The following FHIT variants were observed in gnomAD, a reference collection of about 807,000 sequenced individuals.
FHIT encodes the protein bis(5'-adenosyl)-triphosphatase.
In FHIT, 19 loss-of-function variants were observed where a neutral mutation model predicts 17.9. That is an observed-to-expected ratio of 1.06 (90% CI 0.74 to 1.56). FHIT has a LOEUF of 1.56. FHIT is among the 40% of genes most tolerant of loss of function. The pLI, the probability that FHIT is intolerant of heterozygous loss-of-function variation, is 0.00. For synonymous variants in FHIT, 81 were observed against 69.7 expected (o/e 1.16, Z -0.81); for missense variants, 248 against 189.2 (o/e 1.31, Z -1.82).
At chr3:60,358,757 G>C (rs1164822355) in intron 5 of FHIT, among the ~76,000 whole-genome samples, 1 of 152,174 alleles carries the variant, frequency 6.6e-6, no homozygotes, top group African/African-American at 2.4e-5. Flanking sequence ...CTTGGTTTTG[G>C]AGCCAGGTGA....
intron 5 of FHIT, among the ~76,000 whole-genome samples, chr3:60,497,116 G>A (rs1482992693): frequency 6.6e-6 from 1 of 151,888 alleles, no homozygotes; most frequent in African/African-American, 2.4e-5. Context: ...TCACAACTAG[G>A]AGGGGGCATG....
chr3:60,232,764 TG>T (rs1328984669), intron 5 of FHIT, among the ~76,000 whole-genome samples: 2 of 152,152 alleles, frequency 1.3e-5, no homozygotes, highest in African/African-American at 4.8e-5. Flanking sequence ...GAGACCTGAG[TG>T]ATCTCCTGGC....
At chr3:60,781,478 T>C (rs1176597820) in intron 4 of FHIT, among the ~76,000 whole-genome samples, 1 of 117,410 alleles carries the variant, frequency 8.5e-6, no homozygotes, top group Non-Finnish European at 1.8e-5. Context: ...AGGAGGTTAA[T>C]ATTTTAAAAA....
chr3:61,119,813 C>T (rs1238592171), intron 2 of FHIT, among the ~76,000 whole-genome samples: 1 of 152,178 alleles, frequency 6.6e-6, no homozygotes, highest in African/African-American at 2.4e-5. Context: ...ACCTTCAGTT[C>T]TCTGGTTTTC....
intron 3 of FHIT, among the ~76,000 whole-genome samples, chr3:60,873,431 G>C (rs2107081026): frequency 6.6e-6 from 1 of 152,312 alleles, no homozygotes; most frequent in South Asian, 2.1e-4. Flanking sequence ...AGGGAGCTGT[G>C]GATTTGCTGT....
At chr3:60,032,294 T>TA (rs1465543450) in intron 5 of FHIT, among the ~76,000 whole-genome samples, 46 of 151,436 alleles carry the variant, frequency 3.0e-4, no homozygotes, top group Admixed American at 2.1e-3. Flanking sequence ...ACCCCATATC[T>TA]AAAAAAAATT....
intron 5 of FHIT, among the ~76,000 whole-genome samples, chr3:60,501,627 A>G (rs2034529130): frequency 6.6e-6 from 1 of 152,218 alleles, no homozygotes; most frequent in African/African-American, 2.4e-5. Flanking sequence ...CCTTAGAGTG[A>G]GAAATCATGG....
intron 5 of FHIT, among the ~76,000 whole-genome samples, chr3:60,291,702 C>T (rs898114959): frequency 3.3e-5 from 5 of 152,142 alleles, no homozygotes; most frequent in Admixed American, 6.6e-5. Flanking sequence ...TTTCTTTCCA[C>T]TTCCTGTGTC....
At chr3:60,246,071 G>A (rs1705381543) in intron 5 of FHIT, among the ~76,000 whole-genome samples, 1 of 151,884 alleles carries the variant, frequency 6.6e-6, no homozygotes. Context: ...TTTTTATATT[G>A]TTTACCCTGG....
intron 5 of FHIT, among the ~76,000 whole-genome samples, chr3:60,248,669 A>G (rs1287122406): frequency 3.3e-5 from 5 of 152,160 alleles, no homozygotes; most frequent in Admixed American, 6.5e-5. Context: ...AACATTAACA[A>G]TTGTTCAACC....
At chr3:60,106,938 T>G (rs1170893756) in intron 5 of FHIT, among the ~76,000 whole-genome samples, 1 of 152,184 alleles carries the variant, frequency 6.6e-6, no homozygotes, top group Non-Finnish European at 1.5e-5. Flanking sequence ...AACTGCTCTT[T>G]AAGGAAACGA....
chr3:60,610,623 T>G (rs550049155), intron 4 of FHIT, among the ~76,000 whole-genome samples: 14 of 152,216 alleles, frequency 9.2e-5, no homozygotes, highest in Admixed American at 3.9e-4. Context: ...ACATGAAAAA[T>G]TATTAAGTAC....
At chr3:60,665,960 C>T (rs1553692359) in intron 4 of FHIT, among the ~76,000 whole-genome samples, 1 of 152,020 alleles carries the variant, frequency 6.6e-6, no homozygotes, top group East Asian at 1.9e-4. Flanking sequence ...ACTGTGGTTT[C>T]CCTGAGTACT....
intron 4 of FHIT, among the ~76,000 whole-genome samples, chr3:60,669,886 A>G (rs1015744724): frequency 2.0e-5 from 3 of 152,192 alleles, no homozygotes; most frequent in African/African-American, 7.2e-5. Context: ...AGGCAGGAAA[A>G]CAATGGATGC....
intron 4 of FHIT, among the ~76,000 whole-genome samples, chr3:60,554,383 A>G (rs73105645): frequency 9.1e-4 from 139 of 152,198 alleles, no homozygotes; most frequent in Non-Finnish European, 1.7e-3. Context: ...CCTTACTGTT[A>G]TGTATCTTTC....
intron 4 of FHIT, among the ~76,000 whole-genome samples, chr3:60,559,310 A>G (rs2036850531): frequency 6.6e-6 from 1 of 152,226 alleles, no homozygotes; most frequent in South Asian, 2.1e-4. Context: ...ACAAGAAAAC[A>G]TTAACCCATT....
intron 3 of FHIT, among the ~76,000 whole-genome samples, chr3:61,040,394 T>C (rs905217764): frequency 6.6e-6 from 1 of 152,150 alleles, no homozygotes; most frequent in Admixed American, 6.5e-5. Context: ...TTAGGAAAAA[T>C]GGATAAGGTG....
rs73836669 is a variant in FHIT at position 60,615,445 on chromosome 3, C to T, written c.-17-78466G>A. Among the ~76,000 whole-genome samples, 388 of 152,260 alleles carry T rather than the reference C, an allele frequency of 2.5e-3. 2 individuals are homozygous for T. The highest frequency in any genetic ancestry group is 9.1e-3 in the African/African-American group (378 of 41,544). On this transcript the variant is annotated intron_variant, in intron 4 of 9. Coordinates refer to ENST00000492590, the MANE Select transcript of FHIT (RefSeq NM_002012.4). ...GACTGAAGTTAATGACCAGTGCAAA[C>T]CACCAGAGTATTACAGTAAAAGAAC... is the stretch of plus-strand genomic sequence containing the variant.
At chr3:60,527,774 C>A (rs2035627330) in intron 5 of FHIT, among the ~76,000 whole-genome samples, 1 of 152,182 alleles carries the variant, frequency 6.6e-6, no homozygotes, top group Admixed American at 6.5e-5. Flanking sequence ...GGTTTAAACT[C>A]TAGGGAGAAG....
Sources: allele counts gnomAD v4.1 joint callset (sites outside exome capture counted in the v4.1 genomes callset), GRCh38; gene constraint gnomAD v4.1.1; transcripts MANE v1.5; gene names NCBI Gene and HGNC (gene_info 2026-07-23, HGNC 2026-07-21).